The following ITGA9 variants were observed in gnomAD, a reference collection of about 807,000 sequenced individuals.
The protein encoded by ITGA9 is integrin subunit alpha 9, also known as integrin alpha-9.
Under a neutral mutation model 127.8 loss-of-function variants are expected in ITGA9, and 56 were observed. The observed-to-expected ratio is 0.44, with a 90% CI of 0.35 to 0.55. The LOEUF (loss-of-function observed/expected upper bound fraction) is 0.55. Ranked by LOEUF, ITGA9 falls within the 20% of genes least tolerant of loss-of-function variation. ITGA9 has a pLI of 0.00. For missense variants in ITGA9, 1,196 were observed against 1,347.1 expected, an observed-to-expected ratio of 0.89 and a Z score of 1.76; for synonymous variants, 508 against 514.5, an observed-to-expected ratio of 0.99 and a Z score of 0.17.
rs141847398 is a variant in ITGA9, at chr3:37,524,287, A to T, written c.1327+676A>T. ...GGTAAGGTAAGGAAACAACAGTAAG[A>T]ATTTGAAAAAATCCAGAATGGTCAT... On this transcript the variant is annotated intron_variant, in intron 12 of 27. Transcript: ENST00000264741. Among the ~76,000 whole-genome samples, 60 of 152,344 alleles carry T rather than the reference A, an allele frequency of 3.9e-4. No individual in the cohort carries two copies. In the East Asian group the frequency reaches 0.011, roughly 28 times the overall value.
chr3:37,496,761 C>G (rs1207177123), intron 5 of ITGA9, among the ~76,000 whole-genome samples: 1 of 152,214 alleles, frequency 6.6e-6, no homozygotes, highest in Non-Finnish European at 1.5e-5. Context: ...TCACCCACTA[C>G]ATGGTATTTT....
At chr3:37,475,036 TC>T (rs1698478512) in intron 3 of ITGA9, among the ~76,000 whole-genome samples, 1 of 152,208 alleles carries the variant, frequency 6.6e-6, no homozygotes, top group Non-Finnish European at 1.5e-5. Context: ...CCGTTGTAGG[TC>T]CTGCACAGGC....
intron 4 of ITGA9, among the ~76,000 whole-genome samples, chr3:37,483,397 C>T (rs1698576842): frequency 6.6e-6 from 1 of 152,174 alleles, no homozygotes; most frequent in Non-Finnish European, 1.5e-5. Flanking sequence ...TCTAATCTTC[C>T]CAGAAGCTGT....
intron 15 of ITGA9, among the ~76,000 whole-genome samples, chr3:37,543,636 T>G (rs1229927113): frequency 6.6e-6 from 1 of 152,250 alleles, no homozygotes; most frequent in Non-Finnish European, 1.5e-5. Flanking sequence ...ATATTGTTTA[T>G]TAGCCACTGG....
chr3:37,480,835 T>G (rs555493303), intron 3 of ITGA9, among the ~76,000 whole-genome samples: 1 of 152,306 alleles, frequency 6.6e-6, no homozygotes, highest in African/African-American at 2.4e-5. Context: ...ATCTCTCACC[T>G]GGTGTTCATT....
At chr3:37,622,233 G>A (rs557358660) in intron 15 of ITGA9, among the ~76,000 whole-genome samples, 10 of 149,228 alleles carry the variant, frequency 6.7e-5, no homozygotes, top group East Asian at 2.0e-4. Context: ...GACTACAGGC[G>A]CCCGCCACCA....
In ITGA9 at chr3:37,507,085, G is replaced by C. The variant is rs11129765; in HGVS notation, c.828+1000G>C. Among the ~76,000 whole-genome samples the C allele has an allele frequency of 2.2e-3, 330 of 152,322 alleles. 2 individuals are homozygous for C. The highest frequency in any genetic ancestry group is 7.5e-3 in the African/African-American group (311 of 41,578). ...AGGAGCTGCTGCTCACGTTTCTGGA[G>C]CATGTGCCTCCCTCCTCCCTAACAC... is the stretch of plus-strand genomic sequence containing the variant. On this transcript the variant is annotated intron_variant, in intron 7 of 27. Transcript: ENST00000264741.
intron 18 of ITGA9, among the ~76,000 whole-genome samples, 199 bp from the exon 19 acceptor site, chr3:37,732,513 C>T (rs1016079705): frequency 3.3e-5 from 5 of 152,144 alleles, no homozygotes; most frequent in Admixed American, 3.3e-4. Context: ...TGGTTTTGTC[C>T]TCTTACCTGT....
At chr3:37,537,171 G>A (rs1175263210) in intron 14 of ITGA9, among the ~76,000 whole-genome samples, 4 of 152,240 alleles carry the variant, frequency 2.6e-5, no homozygotes, top group Non-Finnish European at 5.9e-5. Context: ...GGAGGGGGCT[G>A]GTGCTGCTGA....
At chr3:37,602,083 C>T (rs1364932523) in intron 15 of ITGA9, among the ~76,000 whole-genome samples, 2 of 152,114 alleles carry the variant, frequency 1.3e-5, no homozygotes, top group Admixed American at 6.6e-5. Flanking sequence ...ACAATGGATC[C>T]GTCCCCATGA....
At chr3:37,511,331 G>A (rs1443366290) in intron 8 of ITGA9, among the ~76,000 whole-genome samples, 4 of 152,208 alleles carry the variant, frequency 2.6e-5, no homozygotes, top group African/African-American at 9.6e-5. Context: ...GGCTGATGGG[G>A]AGCTCTGATC....
intron 15 of ITGA9, among the ~76,000 whole-genome samples, chr3:37,566,141 A>T (rs1167760394): frequency 1.3e-5 from 2 of 152,208 alleles, no homozygotes; most frequent in Admixed American, 1.3e-4. Context: ...AAAAAGTCAA[A>T]ATAGTACAAT....
At chr3:37,617,825 A>G (rs1028221336) in intron 15 of ITGA9, among the ~76,000 whole-genome samples, 11 of 152,166 alleles carry the variant, frequency 7.2e-5, no homozygotes, top group Non-Finnish European at 1.6e-4. Flanking sequence ...AGGTCTTTTA[A>G]GGACTTCTCT....
chr3:37,548,116 G>T (rs1699345278), intron 15 of ITGA9, among the ~76,000 whole-genome samples: 1 of 152,128 alleles, frequency 6.6e-6, no homozygotes, highest in Non-Finnish European at 1.5e-5. Context: ...ATACAACTCA[G>T]CAATAACAAT....
chr3:37,793,846 T>C (rs1196396283), intron 26 of ITGA9, among the ~76,000 whole-genome samples: 1 of 152,162 alleles, frequency 6.6e-6, no homozygotes, highest in African/African-American at 2.4e-5. Context: ...CAGTCATTGG[T>C]TGGGGCTGTT....
rs566227444 is a variant in ITGA9, at chr3:37,452,182, C to T, written c.-193C>T. On this transcript the variant is annotated 5_prime_UTR_variant, in exon 1 of 28. Transcript: ENST00000264741. The surrounding 1 kb of genome is among the most constrained non-coding windows in gnomAD (Gnocchi z 7.3). Reference sequence around the variant, plus strand: ...CTGAGGACGCCGCCGCTCGGGGCCGCCCCTGTGCTCGCCTTCAGCGCCCGC... The same window carrying T: ...CTGAGGACGCCGCCGCTCGGGGCCGTCCCTGTGCTCGCCTTCAGCGCCCGC... 8.7e-3 allele frequency: 1,367 copies of T among 157,426 alleles called. 19 individuals are homozygous for T. The highest frequency in any genetic ancestry group is 0.031 in the African/African-American group (1,286 of 41,220). 9.8% of individuals were successfully genotyped at this position (157,426 alleles called of 1,614,324 possible).
intron 3 of ITGA9, among the ~76,000 whole-genome samples, chr3:37,479,009 G>A (rs1032333101): frequency 2.0e-5 from 3 of 152,076 alleles, no homozygotes; most frequent in Admixed American, 6.5e-5. Flanking sequence ...ATAAACATCC[G>A]CCTCTTTTCA....
chr3:37,626,200 C>T (rs1700174785), intron 15 of ITGA9, among the ~76,000 whole-genome samples: 1 of 152,144 alleles, frequency 6.6e-6, no homozygotes, highest in Non-Finnish European at 1.5e-5. Flanking sequence ...GTTATGTAAA[C>T]AAGTAATTTT....
At chr3:37,750,743 T>C (rs1696573752) in intron 23 of ITGA9, among the ~76,000 whole-genome samples, 174 bp downstream of exon 23, 1 of 152,260 alleles carries the variant, frequency 6.6e-6, no homozygotes, top group African/African-American at 2.4e-5. Context: ...AATTTCTACA[T>C]TGAGACCATT....
Sources: allele counts gnomAD v4.1 joint callset (sites outside exome capture counted in the v4.1 genomes callset), GRCh38; gene constraint gnomAD v4.1.1; non-coding constraint Gnocchi (gnomAD v3.1); transcripts MANE v1.5; gene names NCBI Gene and HGNC (gene_info 2026-07-23, HGNC 2026-07-21).